Variants in ERBB4 observed in about 807,000 individuals in gnomAD.
The protein encoded by ERBB4 is erb-b2 receptor tyrosine kinase 4.
A neutral mutation model predicts 158.0 loss-of-function variants in ERBB4; 42 were observed. The ratio of observed to expected loss-of-function variants is 0.27; its 90% CI spans 0.21 to 0.34. The LOEUF is 0.34. ERBB4 is among the 10% of genes least tolerant of loss of function. The probability of loss-of-function intolerance (pLI) is 1.00; values close to 1 mark genes in which losing one functional copy is unlikely to be tolerated. For synonymous variants in ERBB4, 583 were observed against 558.7 expected (o/e 1.04, Z -0.61); for missense variants, 1,333 against 1,624.1 (o/e 0.82, Z 3.08).
chr2:211,865,621 G>T (rs895651367), intron 3 of ERBB4, among the ~76,000 whole-genome samples: 2 of 152,044 alleles, frequency 1.3e-5, no homozygotes, highest in African/African-American at 4.8e-5. Context: ...CCAAGTAGCT[G>T]GGATTTTCTG....
At chr2:211,401,647 C>T (rs1454280473) in intron 25 of ERBB4, among the ~76,000 whole-genome samples, 1 of 151,988 alleles carries the variant, frequency 6.6e-6, no homozygotes, top group Non-Finnish European at 1.5e-5. Flanking sequence ...TATATCACCT[C>T]TTTAATAAAT....
chr2:212,432,809 T>C (rs1043400385), intron 1 of ERBB4, among the ~76,000 whole-genome samples: 2 of 152,106 alleles, frequency 1.3e-5, no homozygotes, highest in Non-Finnish European at 2.9e-5. Flanking sequence ...AGTTTGCCCA[T>C]TCACTGAAGA....
chr2:211,922,210 C>A (rs1338072484), intron 3 of ERBB4, among the ~76,000 whole-genome samples: 3 of 152,082 alleles, frequency 2.0e-5, no homozygotes, highest in African/African-American at 7.2e-5. Flanking sequence ...ATGCTCTTAA[C>A]AGCACAGCAA....
intron 1 of ERBB4, among the ~76,000 whole-genome samples, chr2:212,179,453 G>A (rs1449663922): frequency 1.3e-5 from 2 of 150,926 alleles, no homozygotes; most frequent in Non-Finnish European, 3.0e-5. Flanking sequence ...ACTAGTAAGA[G>A]AAAAAACAGG....
intron 20 of ERBB4, among the ~76,000 whole-genome samples, chr2:211,535,143 C>T: frequency 6.6e-6 from 1 of 151,888 alleles, no homozygotes; most frequent in South Asian, 2.1e-4. Context: ...TTAAGAGCTT[C>T]TTTTGTAAAA....
chr2:211,781,602 G>A (rs1355772636), intron 4 of ERBB4, among the ~76,000 whole-genome samples: 1 of 152,088 alleles, frequency 6.6e-6, no homozygotes. Flanking sequence ...AAATGTCAAT[G>A]AATATATAAT....
intron 20 of ERBB4, among the ~76,000 whole-genome samples, chr2:211,484,957 A>G (rs988467682): frequency 6.6e-6 from 1 of 152,220 alleles, no homozygotes; most frequent in Non-Finnish European, 1.5e-5. Context: ...AACTGATAAA[A>G]TCAGAGTTCT....
At chr2:211,571,434 A>G (rs1039542298) in intron 19 of ERBB4, among the ~76,000 whole-genome samples, 1 of 152,132 alleles carries the variant, frequency 6.6e-6, no homozygotes. Flanking sequence ...TTCTCTCGAG[A>G]TAAAAAATAA....
At chr2:211,526,859 G>A (rs1448246402) in intron 20 of ERBB4, among the ~76,000 whole-genome samples, 1 of 152,034 alleles carries the variant, frequency 6.6e-6, no homozygotes, top group Non-Finnish European at 1.5e-5. Flanking sequence ...AAAAGAATTA[G>A]TGAGCTTGAA....
rs142705265 is a variant in ERBB4, at chr2:212,432,792, A to G, written c.82+105657T>C. Among the ~76,000 whole-genome samples the G allele has an allele frequency of 3.5e-4, 54 of 152,188 alleles. No homozygotes were observed. The East Asian group carries it at 0.01, about 29-fold the overall frequency. On this transcript the variant is annotated intron_variant, in intron 1 of 27. Transcript: ENST00000342788. ...TTTAAAGAACGACTTCTGAGAGACA[A>G]TCCTTTAGTTTGCCCATTCACTGAA...
At chr2:212,006,332 T>C (rs115540392) in intron 2 of ERBB4, among the ~76,000 whole-genome samples, 2,833 of 152,106 alleles carry the variant, frequency 0.019, 46 homozygotes, top group Middle Eastern at 0.034. Flanking sequence ...ATATGAAAGG[T>C]TTTTACAAAG....
At chr2:212,148,359 G>C (rs2080753895) in intron 1 of ERBB4, among the ~76,000 whole-genome samples, 1 of 152,126 alleles carries the variant, frequency 6.6e-6, no homozygotes, top group Non-Finnish European at 1.5e-5. Context: ...GTATCATTAA[G>C]TTTGTGTGTT....
At chr2:212,067,236 T>C (rs12694261) in intron 2 of ERBB4, among the ~76,000 whole-genome samples, 128,027 of 151,904 alleles carry the variant, frequency 0.84, 55,404 homozygotes, top group East Asian at 1. Context: ...TAAGAAATTT[T>C]CAACAAAGCA....
intron 4 of ERBB4, among the ~76,000 whole-genome samples, chr2:211,776,407 T>C (rs1388612217): frequency 6.6e-6 from 1 of 152,208 alleles, no homozygotes; most frequent in Non-Finnish European, 1.5e-5. Context: ...AGGGGTGTGG[T>C]TGAGCAAACT....
At chr2:211,643,007 A>G (rs2070654384) in intron 16 of ERBB4, among the ~76,000 whole-genome samples, 1 of 152,124 alleles carries the variant, frequency 6.6e-6, no homozygotes, top group African/African-American at 2.4e-5. Flanking sequence ...TAATCCTGAG[A>G]CAAGTTATTT....
At chr2:212,268,887 T>C (rs558494189) in intron 1 of ERBB4, among the ~76,000 whole-genome samples, 18 of 151,986 alleles carry the variant, frequency 1.2e-4, no homozygotes, top group Admixed American at 3.9e-4. Context: ...GTTCCTTTTT[T>C]ATTGAATTAT....
chr2:211,960,749 T>G (rs2081160313), intron 2 of ERBB4: 1 of 152,084 alleles, frequency 6.6e-6, no homozygotes, highest in Admixed American at 6.6e-5. Flanking sequence ...TTCTTTTTTA[T>G]AGAGTCATTA....
intron 18 of ERBB4, among the ~76,000 whole-genome samples, chr2:211,619,745 A>T (rs1335390255): frequency 6.6e-6 from 1 of 152,094 alleles, no homozygotes; most frequent in Non-Finnish European, 1.5e-5. Flanking sequence ...AAAAACAATT[A>T]AAAAAGCATA....
intron 15 of ERBB4, among the ~76,000 whole-genome samples, chr2:211,659,865 A>C (rs1335546370): frequency 1.3e-5 from 2 of 152,224 alleles, no homozygotes; most frequent in East Asian, 3.9e-4. Flanking sequence ...AAATGTAATA[A>C]GAAACATGAA....
Sources: gnomAD v4.1 joint callset for allele counts (sites outside exome capture counted in the v4.1 genomes callset) on GRCh38, gnomAD v4.1.1 for gene constraint, MANE v1.5 for transcripts, NCBI Gene and HGNC (gene_info 2026-07-23, HGNC 2026-07-21) for gene names.